The following SMOC2 variants were observed in gnomAD, a reference collection of about 807,000 sequenced individuals.
The protein encoded by SMOC2 is SPARC related modular calcium binding 2, also known as SPARC-related modular calcium-binding protein 2.
In SMOC2, 39 loss-of-function variants were observed where a neutral mutation model predicts 61.4. The ratio of observed to expected loss-of-function variants is 0.64; its 90% CI spans 0.49 to 0.83. SMOC2 has a LOEUF of 0.83. SMOC2 is among the 40% of genes least tolerant of loss of function. SMOC2 has a pLI of 0.00. For missense variants in SMOC2, 556 were observed against 592.9 expected, an observed-to-expected ratio of 0.94 and a Z score of 0.65; for synonymous variants, 247 against 239.9, an observed-to-expected ratio of 1.03 and a Z score of -0.27.
intron 8 of SMOC2, among the ~76,000 whole-genome samples, chr6:168,599,568 C>CCA (rs1468839214): frequency 2.6e-5 from 3 of 113,296 alleles, no homozygotes; most frequent in Non-Finnish European, 3.5e-5. Context: ...CCATACACAC[C>CCA]CACACTCATA....
At chr6:168,563,064 G>A (rs988455663) in intron 7 of SMOC2, among the ~76,000 whole-genome samples, 1 of 152,340 alleles carries the variant, frequency 6.6e-6, no homozygotes, top group South Asian at 2.1e-4. Context: ...GGAAGGGGGC[G>A]GCTTGGGAAG....
chr6:168,640,626 A>G (rs1056809937), intron 9 of SMOC2, among the ~76,000 whole-genome samples: 4 of 152,236 alleles, frequency 2.6e-5, no homozygotes, highest in Non-Finnish European at 5.9e-5. Context: ...CTAGTACGGA[A>G]GCTTATTTCT....
At chr6:168,500,226 G>A (rs1005373467) in intron 1 of SMOC2, among the ~76,000 whole-genome samples, 1 of 146,528 alleles carries the variant, frequency 6.8e-6, no homozygotes, top group African/African-American at 2.5e-5. Context: ...GGCAGAGGTT[G>A]CAGCGAGCCC....
chr6:168,644,302 G>A (rs1387228584), intron 9 of SMOC2, among the ~76,000 whole-genome samples: 1 of 152,184 alleles, frequency 6.6e-6, no homozygotes, highest in Admixed American at 6.5e-5. Flanking sequence ...CCACTCAGAG[G>A]CTCAACATCT....
intron 1 of SMOC2, among the ~76,000 whole-genome samples, chr6:168,486,618 G>C (rs1382260413): frequency 6.6e-6 from 1 of 150,668 alleles, no homozygotes; most frequent in Non-Finnish European, 1.5e-5. Flanking sequence ...CCTTCCCCAA[G>C]CCAGCACTGG....
intron 1 of SMOC2, among the ~76,000 whole-genome samples, chr6:168,495,877 C>T (rs1030771531): frequency 1.3e-5 from 2 of 152,242 alleles, no homozygotes; most frequent in African/African-American, 4.8e-5. Flanking sequence ...GCCCGCCCTG[C>T]CCTCCTTGGC....
Position 168,565,509 on chromosome 6 carries a change from TATG to T in SMOC2, c.637+16311_637+16313del, listed in dbSNP as rs1439608278. Among the ~76,000 whole-genome samples, 7 of 152,352 alleles carry T rather than the reference TATG, an allele frequency of 4.6e-5. No homozygotes were observed. The East Asian group carries it at 7.7e-4, about 17-fold the overall frequency. On this transcript the variant is annotated intron_variant, in intron 7 of 12. Coordinates refer to ENST00000356284, the MANE Select transcript of SMOC2 (RefSeq NM_001166412.2). ...TTATACTGGATCAGGGCCCCACTCT[TATG>T]ATGACCTCATTTATCCTTAATAAAC... is the stretch of plus-strand genomic sequence containing the variant.
chr6:168,659,661 G>A (rs1297782461), intron 11 of SMOC2, among the ~76,000 whole-genome samples: 2 of 150,844 alleles, frequency 1.3e-5, no homozygotes, highest in Non-Finnish European at 1.5e-5. Flanking sequence ...GGTGGAGGTT[G>A]TAGGCTGGGT....
In SMOC2 at chr6:168,605,184, A is replaced by G. The variant is rs540787414; in HGVS notation, c.825-2973A>G. Among the ~76,000 whole-genome samples the G allele has an allele frequency of 1.8e-3, 273 of 152,288 alleles. 2 individuals are homozygous for G. Among genetic ancestry groups the G allele is most frequent in the Non-Finnish European group, 3.1e-3 (209 of 68,030 alleles). On this transcript the variant is annotated intron_variant, in intron 8 of 12. Coordinates refer to ENST00000356284, the MANE Select transcript of SMOC2 (RefSeq NM_001166412.2). ...CTGATGAAGCCTTTGTCTGTCTGCC[A>G]TCCAACTGCTGGCTGTTCCTACCTC...
chr6:168,518,702 ATG>A lies in SMOC2; in HGVS notation c.257-7639_257-7638del, dbSNP rs575177452. Among the ~76,000 whole-genome samples, 178 of 144,504 alleles carry A rather than the reference ATG, an allele frequency of 1.2e-3. 4 individuals are homozygous for A. In the South Asian group the frequency reaches 0.029, roughly 24 times the overall value. 94.8% of individuals were successfully genotyped at this position (144,504 alleles called of 152,430 possible). A position where few individuals can be genotyped will look rare whatever the true frequency, so the allele number is the denominator to read the frequency against. On this transcript the variant is annotated intron_variant, in intron 2 of 12. Transcript: ENST00000356284. ...TGTGTGTGAATGTGTATGAGCGTGC[ATG>A]TGTGAGTGTTATGCTTATGTGAGTG... is the stretch of plus-strand genomic sequence containing the variant.
chr6:168,664,071 T>C lies in SMOC2; in HGVS notation c.1286-3T>C, dbSNP rs1399592402. On this transcript the variant is annotated splice_region_variant and splice_polypyrimidine_tract_variant and intron_variant, in intron 11 of 12. Transcript: ENST00000356284. Reference sequence around the variant, plus strand: ...TAATAATATCTTTTTTTTTTCCTGCTAGCCCCCAGAGGTCATGCTGAAAGT... The same window carrying C: ...TAATAATATCTTTTTTTTTTCCTGCCAGCCCCCAGAGGTCATGCTGAAAGT... 10 of 1,600,526 alleles carry C rather than the reference T, an allele frequency of 6.2e-6. No homozygotes were observed. Among genetic ancestry groups the C allele is most frequent in the Non-Finnish European group, 8.5e-6 (10 of 1,174,994 alleles).
At chr6:168,576,111 G>C (rs1784798145) in intron 7 of SMOC2, among the ~76,000 whole-genome samples, 1 of 152,106 alleles carries the variant, frequency 6.6e-6, no homozygotes. Flanking sequence ...GTTGTGCCAA[G>C]CGGTGAAGAC....
At chr6:168,459,840 TGGTGAGCCCTGGGCTG>T (rs1202653817) in intron 1 of SMOC2, among the ~76,000 whole-genome samples, 2 of 76,768 alleles carry the variant, frequency 2.6e-5, no homozygotes, top group South Asian at 5.0e-4. Flanking sequence ...TGAGCCGGGG[TGGTGAGCCCTGGGCTG>T]GGTGAGCCCG....
chr6:168,641,607 A>G (rs192406705), intron 9 of SMOC2, among the ~76,000 whole-genome samples: 1 of 152,298 alleles, frequency 6.6e-6, no homozygotes, highest in East Asian at 1.9e-4. Context: ...GGATGACCTG[A>G]CCCAAAAGAG....
intron 1 of SMOC2, among the ~76,000 whole-genome samples, chr6:168,454,058 C>A (rs1258780003): frequency 2.0e-5 from 3 of 152,160 alleles, no homozygotes; most frequent in Non-Finnish European, 4.4e-5. Flanking sequence ...TCTGTACTAT[C>A]TCTGTGTCTC....
chr6:168,542,740 T>A (rs1783899655), intron 4 of SMOC2, among the ~76,000 whole-genome samples: 1 of 152,188 alleles, frequency 6.6e-6, no homozygotes, highest in Non-Finnish European at 1.5e-5. Context: ...GCTTGTAAAT[T>A]TCCTGCCACA....
intron 7 of SMOC2, among the ~76,000 whole-genome samples, chr6:168,578,000 A>G (rs548235212): frequency 2.0e-5 from 3 of 152,326 alleles, no homozygotes; most frequent in African/African-American, 4.8e-5. Context: ...TGCTTCTACC[A>G]TAACTTGTTG....
chr6:168,486,966 A>C (rs1409631925), intron 1 of SMOC2, among the ~76,000 whole-genome samples: 1 of 151,948 alleles, frequency 6.6e-6, no homozygotes, highest in Non-Finnish European at 1.5e-5. Context: ...CCGTCCCCTC[A>C]CTCATTAGAA....
chr6:168,459,121 C>A (rs564970936), intron 1 of SMOC2, among the ~76,000 whole-genome samples: 1 of 152,162 alleles, frequency 6.6e-6, no homozygotes, highest in South Asian at 2.1e-4. Context: ...AGATGAGGAA[C>A]TTGAGACACA....
Sources: gnomAD v4.1 joint callset for allele counts (sites outside exome capture counted in the v4.1 genomes callset) on GRCh38, gnomAD v4.1.1 for gene constraint, MANE v1.5 for transcripts, NCBI Gene and HGNC (gene_info 2026-07-23, HGNC 2026-07-21) for gene names.